AFF3: variants seen among roughly 807,000 people sequenced by gnomAD.
AFF3 encodes the protein AF4/FMR2 family member 3.
In AFF3, 32 loss-of-function variants were observed where a neutral mutation model predicts 129.7. The ratio of observed to expected loss-of-function variants is 0.25; its 90% CI spans 0.19 to 0.33. AFF3 has a LOEUF of 0.33. AFF3 is among the 10% of genes least tolerant of loss of function. The pLI is 1.00. For synonymous variants in AFF3, 644 were observed against 635.4 expected, an observed-to-expected ratio of 1.01 and a Z score of -0.20; for missense variants, 1,373 against 1,592.0, an observed-to-expected ratio of 0.86 and a Z score of 2.34.
chr2:99,960,098 G>A (rs1383661588), intron 7 of AFF3, among the ~76,000 whole-genome samples: 1 of 151,996 alleles, frequency 6.6e-6, no homozygotes, highest in Non-Finnish European at 1.5e-5. Context: ...CACAGAATAA[G>A]CCAAAATACA....
At chr2:99,639,108 G>A (rs1410985748) in intron 13 of AFF3, among the ~76,000 whole-genome samples, 1 of 152,162 alleles carries the variant, frequency 6.6e-6, no homozygotes, top group Non-Finnish European at 1.5e-5. Flanking sequence ...GCAATTAGTG[G>A]CTTTATACAA....
At position 99,812,448 on chromosome 2, in the gene AFF3, A is replaced by G. The variant is rs1211667677; in HGVS notation, c.921+25029T>C. ...ACACGTGCTGAGCAGTACCTGATGC[A>G]GCAGCCTCTGGAGATAAGACTTTCC... On this transcript the variant is annotated intron_variant, in intron 8 of 24. Transcript: ENST00000672756. Among the ~76,000 whole-genome samples the G allele has an allele frequency of 2.0e-5, 3 of 152,196 alleles. No individual in the cohort carries two copies. The East Asian group carries it at 5.8e-4, about 29-fold the overall frequency.
intron 12 of AFF3, among the ~76,000 whole-genome samples, chr2:99,655,914 A>G (rs1685707083): frequency 6.6e-6 from 1 of 152,204 alleles, no homozygotes; most frequent in Non-Finnish European, 1.5e-5. Flanking sequence ...TACATTGTGA[A>G]GGTCTGATTG....
rs1030797512 is a variant in AFF3 at position 99,634,159 on chromosome 2, C to T, written c.1184+15467G>A. ...CTGACCTCAGGTGATCCACCTGCTT[C>T]GGCCTTCCAAAGTGCTGGGATTACA... On this transcript the variant is annotated intron_variant, in intron 13 of 24. Transcript: ENST00000672756. Among the ~76,000 whole-genome samples the T allele has an allele frequency of 7.2e-5, 11 of 152,318 alleles. No individual in the cohort carries two copies. The East Asian group carries it at 9.7e-4, about 13-fold the overall frequency.
At chr2:99,985,963 G>A (rs949066505) in intron 7 of AFF3, among the ~76,000 whole-genome samples, 7 of 152,092 alleles carry the variant, frequency 4.6e-5, no homozygotes, top group Admixed American at 3.9e-4. Context: ...CACTTTGGGA[G>A]GCCGAGGTGG....
intron 7 of AFF3, among the ~76,000 whole-genome samples, chr2:99,988,707 C>G (rs1576489698): frequency 1.3e-5 from 2 of 152,258 alleles, no homozygotes; most frequent in Admixed American, 1.3e-4. Context: ...TTAACTTGGA[C>G]ACCATTTTTG....
At chr2:99,902,650 A>G (rs1377036628) in intron 7 of AFF3, among the ~76,000 whole-genome samples, 2 of 152,160 alleles carry the variant, frequency 1.3e-5, no homozygotes, top group Admixed American at 6.5e-5. Flanking sequence ...GGGAAGAATC[A>G]CCTCCAAATT....
chr2:99,965,646 G>C (rs1677670185), intron 7 of AFF3, among the ~76,000 whole-genome samples: 1 of 152,026 alleles, frequency 6.6e-6, no homozygotes, highest in Non-Finnish European at 1.5e-5. Context: ...TGACATTCTG[G>C]TTTCACATGT....
chr2:99,798,144 T>C (rs34413562), intron 8 of AFF3, among the ~76,000 whole-genome samples: 1 of 152,042 alleles, frequency 6.6e-6, no homozygotes, highest in African/African-American at 2.4e-5. Context: ...AATGAAGAAT[T>C]GCAAGGTTCT....
intron 7 of AFF3, among the ~76,000 whole-genome samples, chr2:99,921,728 A>G (rs1695870330): frequency 2.6e-5 from 4 of 152,184 alleles, no homozygotes; most frequent in Admixed American, 2.6e-4. Context: ...CATCACAATT[A>G]AAAATATCTG....
At chr2:99,870,326 C>T (rs915993898) in intron 7 of AFF3, among the ~76,000 whole-genome samples, 2 of 152,232 alleles carry the variant, frequency 1.3e-5, no homozygotes, top group African/African-American at 2.4e-5. Context: ...GCATCAACTT[C>T]CTACACCCAC....
intron 7 of AFF3, among the ~76,000 whole-genome samples, chr2:99,839,161 G>C (rs1208524589): frequency 6.6e-6 from 1 of 152,100 alleles, no homozygotes; most frequent in Non-Finnish European, 1.5e-5. Flanking sequence ...CCAGGCTGGA[G>C]TGCAATGGCG....
intron 4 of AFF3, among the ~76,000 whole-genome samples, chr2:100,043,318 T>C (rs1376925430): frequency 6.6e-6 from 1 of 152,078 alleles, no homozygotes; most frequent in Non-Finnish European, 1.5e-5. Context: ...GAAGGGCAGG[T>C]GGGATGGCAT....
At chr2:100,041,469 TC>T (rs1349738551) in intron 4 of AFF3, among the ~76,000 whole-genome samples, 1 of 152,110 alleles carries the variant, frequency 6.6e-6, no homozygotes, top group African/African-American at 2.4e-5. Flanking sequence ...GTCCAATTAA[TC>T]AAATAACCTC....
intron 8 of AFF3, among the ~76,000 whole-genome samples, chr2:99,768,955 T>G (rs1368192339): frequency 6.6e-6 from 1 of 152,208 alleles, no homozygotes; most frequent in Non-Finnish European, 1.5e-5. Context: ...GGAGTTTGAT[T>G]ATTAAATTTC....
At chr2:99,972,932 G>A (rs1678532516) in intron 7 of AFF3, among the ~76,000 whole-genome samples, 1 of 152,142 alleles carries the variant, frequency 6.6e-6, no homozygotes, top group South Asian at 2.1e-4. Flanking sequence ...GTTAAACCTG[G>A]CACCAGCAAA....
rs149980480 is a variant in AFF3 at position 99,765,732 on chromosome 2, T to G, written c.922-13431A>C. Reference sequence around the variant, plus strand: ...ACCTGGTGAGGAAAGGGGATAAATATAGAAGACGTTTATGAATTTGTTTTT... The same window carrying G: ...ACCTGGTGAGGAAAGGGGATAAATAGAGAAGACGTTTATGAATTTGTTTTT... On this transcript the variant is annotated intron_variant, in intron 8 of 24. Coordinates refer to ENST00000672756, the MANE Select transcript of AFF3 (RefSeq NM_001386135.1). Among the ~76,000 whole-genome samples, 198 of 152,336 alleles carry G rather than the reference T, an allele frequency of 1.3e-3. 1 individual carries two copies. Among genetic ancestry groups the G allele is most frequent in the Non-Finnish European group, 2.6e-3 (176 of 68,026 alleles).
intron 4 of AFF3, among the ~76,000 whole-genome samples, chr2:100,019,797 C>T (rs1193145862): frequency 6.6e-6 from 1 of 152,094 alleles, no homozygotes; most frequent in East Asian, 1.9e-4. Flanking sequence ...CCTTCCCTCA[C>T]CTCAGTCTTC....
intron 8 of AFF3, among the ~76,000 whole-genome samples, chr2:99,830,198 T>C (rs1688412433): frequency 1.3e-5 from 2 of 152,220 alleles, no homozygotes; most frequent in Non-Finnish European, 2.9e-5. Context: ...AGATGACCAG[T>C]TGATTGGTGC....
Sources: gnomAD v4.1 joint callset for allele counts (sites outside exome capture counted in the v4.1 genomes callset) on GRCh38, gnomAD v4.1.1 for gene constraint, MANE v1.5 for transcripts, NCBI Gene and HGNC (gene_info 2026-07-23, HGNC 2026-07-21) for gene names.